NFAT5: variants seen among roughly 807,000 people sequenced by gnomAD.
NFAT5 encodes the protein nuclear factor of activated T-cells 5.
A neutral mutation model predicts 166.5 loss-of-function variants in NFAT5; 31 were observed. That is an observed-to-expected ratio of 0.19 (90% CI 0.14 to 0.25). NFAT5 has a LOEUF of 0.25. Ranked by LOEUF, NFAT5 falls within the 10% of genes least tolerant of loss-of-function variation. NFAT5 has a pLI of 1.00. For missense variants in NFAT5, 1,449 were observed against 1,821.8 expected (o/e 0.80, Z 3.72); for synonymous variants, 612 against 639.7 (o/e 0.96, Z 0.65).
At chr16:69,649,247 AT>A (rs2035572372) in intron 4 of NFAT5, 1 of 956,688 alleles carries the variant, frequency 1.0e-6, no homozygotes, top group African/African-American at 1.8e-5. Context: ...ATGTGTGTTT[AT>A]TTGTGCTTTA....
chr16:69,638,560 C>G (rs1345555678), intron 3 of NFAT5, among the ~76,000 whole-genome samples: 1 of 151,756 alleles, frequency 6.6e-6, no homozygotes, highest in Non-Finnish European at 1.5e-5. Flanking sequence ...ATGGTGAAAC[C>G]CCATCTCTAC....
At chr16:69,624,679 T>C (rs1423966919) in intron 2 of NFAT5, among the ~76,000 whole-genome samples, 2 of 152,206 alleles carry the variant, frequency 1.3e-5, no homozygotes, top group Non-Finnish European at 2.9e-5. Flanking sequence ...TCAAAGTATT[T>C]ATGAATCCAG....
intron 2 of NFAT5, among the ~76,000 whole-genome samples, chr16:69,589,252 C>T (rs2032310899): frequency 6.6e-6 from 1 of 152,096 alleles, no homozygotes; most frequent in Non-Finnish European, 1.5e-5. Flanking sequence ...CTGCAGCCTC[C>T]CAAAGTGCTG....
chr16:69,639,056 TAGA>T (rs2035093727), intron 3 of NFAT5, among the ~76,000 whole-genome samples: 1 of 152,204 alleles, frequency 6.6e-6, no homozygotes, highest in Admixed American at 6.5e-5. Flanking sequence ...TTATTGGAGA[TAGA>T]AGATTACATC....
Position 69,690,939 on chromosome 16 carries a change from G to A in NFAT5, c.1775-1G>A, listed in dbSNP as rs767509940. ...TTCTTTTTGTGTGTGTGTATATGCAGCAATGAAAACTACTGGATGTAATTT... is the reference window on the plus strand; with the variant it reads ...TTCTTTTTGTGTGTGTGTATATGCAACAATGAAAACTACTGGATGTAATTT... On this transcript the variant is annotated splice_acceptor_variant, in intron 11 of 14. Transcript: ENST00000349945. LOFTEE classifies it high-confidence loss of function. 1.3e-6 allele frequency: 2 copies of A among 1,526,492 alleles called. No individual in the cohort carries two copies. Among genetic ancestry groups the A allele is most frequent in the South Asian group, 1.4e-5 (1 of 72,832 alleles). 94.6% of individuals were successfully genotyped at this position (1,526,492 alleles called of 1,614,324 possible). A position where few individuals can be genotyped will look rare whatever the true frequency, so the allele number is the denominator to read the frequency against.
chr16:69,636,405 A>G (rs1257253421), intron 3 of NFAT5, among the ~76,000 whole-genome samples: 5 of 152,150 alleles, frequency 3.3e-5, no homozygotes, highest in Admixed American at 6.6e-5. Flanking sequence ...CAGCTCCATT[A>G]CATAGTACCC....
rs896941668 is a variant in NFAT5 at position 69,702,648 on chromosome 16, C to A, written c.*6297C>A. Reference sequence around the variant, plus strand: ...CTGAGTCAGAAACTCTGGAATAGGGCCCCCGCAATCTGTTTTCACAAGCCC... The same window carrying A: ...CTGAGTCAGAAACTCTGGAATAGGGACCCCGCAATCTGTTTTCACAAGCCC... On this transcript the variant is annotated 3_prime_UTR_variant, in exon 15 of 15. Coordinates refer to ENST00000349945, the MANE Select transcript of NFAT5 (RefSeq NM_138713.4). 1.6e-5 allele frequency: 1 copy of A among 63,370 alleles called. No homozygotes were observed. The highest frequency in any genetic ancestry group is 1.1e-4 in the African/African-American group (1 of 9,202). The allele number at this position is 63,370 out of a possible 1,614,324, so 3.9% of individuals were successfully genotyped here.
At chr16:69,680,518 A>G (rs899412492) in intron 10 of NFAT5, among the ~76,000 whole-genome samples, 2 of 152,220 alleles carry the variant, frequency 1.3e-5, no homozygotes, top group Non-Finnish European at 2.9e-5. Context: ...ATTCTACTTC[A>G]AAGGCTATAC....
chr16:69,656,934 CT>C (rs1034798732), intron 6 of NFAT5, among the ~76,000 whole-genome samples: 98 of 152,084 alleles, frequency 6.4e-4, no homozygotes, highest in African/African-American at 2.0e-3. Context: ...TTCCTTAAGC[CT>C]TTTGTAAAGG....
At chr16:69,649,971 A>C (rs973379504) in intron 4 of NFAT5, among the ~76,000 whole-genome samples, 40 of 152,106 alleles carry the variant, frequency 2.6e-4, no homozygotes, top group Middle Eastern at 3.4e-3. Context: ...AACCATTAAA[A>C]AAAAAAGCTT....
chr16:69,591,081 GCCA>G (rs1025139373), intron 2 of NFAT5, among the ~76,000 whole-genome samples: 18 of 152,216 alleles, frequency 1.2e-4, no homozygotes, highest in Non-Finnish European at 2.1e-4. Context: ...ACAGGTACAT[GCCA>G]CCATGCCTGG....
intron 11 of NFAT5, chr16:69,690,543 G>C (rs1180727727): frequency 6.6e-6 from 1 of 152,342 alleles, no homozygotes; most frequent in East Asian, 1.9e-4. Flanking sequence ...TATATTGTCA[G>C]ATAGCTAAAT....
chr16:69,695,935 A>G (rs1199390794), intron 14 of NFAT5, among the ~76,000 whole-genome samples: 1 of 152,214 alleles, frequency 6.6e-6, no homozygotes, highest in East Asian at 1.9e-4. Context: ...GGTGTATGTG[A>G]AACAGAAGTG....
At chr16:69,681,568 T>G (rs2037059452) in intron 10 of NFAT5, among the ~76,000 whole-genome samples, 2 of 152,106 alleles carry the variant, frequency 1.3e-5, no homozygotes, top group African/African-American at 4.8e-5. Context: ...CCTTAATCAG[T>G]GTTTCCACCT....
At chr16:69,667,977 C>T (rs1477922540) in intron 7 of NFAT5, among the ~76,000 whole-genome samples, 2 of 151,722 alleles carry the variant, frequency 1.3e-5, no homozygotes, top group Non-Finnish European at 2.9e-5. Flanking sequence ...TTGTTTGTTT[C>T]TTTTTTTAGA....
intron 9 of NFAT5, among the ~76,000 whole-genome samples, chr16:69,670,883 G>A (rs1440360476): frequency 6.6e-6 from 1 of 152,176 alleles, no homozygotes; most frequent in East Asian, 1.9e-4. Context: ...GAGGTAGTAT[G>A]TACAGGTGTA....
chr16:69,683,452 G>A (rs978474478), intron 10 of NFAT5, among the ~76,000 whole-genome samples: 1 of 151,760 alleles, frequency 6.6e-6, no homozygotes, highest in Non-Finnish European at 1.5e-5. Context: ...GATGGCTTGA[G>A]CTTGGGAGGT....
At chr16:69,593,755 G>A (rs954804851) in intron 2 of NFAT5, among the ~76,000 whole-genome samples, 4 of 152,130 alleles carry the variant, frequency 2.6e-5, no homozygotes, top group African/African-American at 9.7e-5. Context: ...TAATTTTTGA[G>A]TTTATTATTG....
chr16:69,592,894 A>G (rs958806457), intron 2 of NFAT5, among the ~76,000 whole-genome samples: 7 of 152,340 alleles, frequency 4.6e-5, no homozygotes, highest in African/African-American at 1.4e-4. Context: ...GCACAGAGGC[A>G]TGGATATAAG....
Sources: gnomAD v4.1 joint callset for allele counts (sites outside exome capture counted in the v4.1 genomes callset) on GRCh38, gnomAD v4.1.1 for gene constraint, MANE v1.5 for transcripts, NCBI Gene and HGNC (gene_info 2026-07-23, HGNC 2026-07-21) for gene names.